The following KANTR variants were observed in gnomAD, a reference collection of about 807,000 sequenced individuals.
The protein encoded by KANTR is KDM5C adjacent transcript.
At chrX:53,119,666 C>T (rs1330919788) in intron 2 of KANTR, among the ~76,000 whole-genome samples, 1 of 111,751 alleles carries the variant, frequency 8.9e-6, no homozygotes, top group African/African-American at 3.3e-5. Context: ...AAAATCTTCC[C>T]ATCTTATTTT....
intron 2 of KANTR, among the ~76,000 whole-genome samples, chrX:53,101,496 G>A (rs1335458529): frequency 2.7e-5 from 3 of 111,905 alleles, no homozygotes; most frequent in East Asian, 2.8e-4. Context: ...CCTTTGACTC[G>A]AATACTTAGA....
chrX:53,103,130 G>A (rs1556812150), intron 2 of KANTR, among the ~76,000 whole-genome samples: 1 of 108,995 alleles, frequency 9.2e-6, no homozygotes, highest in Non-Finnish European at 1.9e-5. Flanking sequence ...GATTACAGGC[G>A]CCTGCCACCA....
intron 2 of KANTR, among the ~76,000 whole-genome samples, chrX:53,135,376 C>T (rs1385438346): frequency 2.7e-5 from 3 of 111,760 alleles, no homozygotes; most frequent in African/African-American, 9.8e-5. Context: ...CACACTCTCC[C>T]TCCTTTTGTC....
intron 2 of KANTR, among the ~76,000 whole-genome samples, chrX:53,139,244 G>A (rs112341718): frequency 9.4e-6 from 1 of 106,463 alleles, no homozygotes; most frequent in African/African-American, 3.6e-5. Flanking sequence ...AAAAAAAAAG[G>A]AATTCTAGGT....
chrX:53,130,959 CAG>C (rs1569240063), downstream of KANTR, among the ~76,000 whole-genome samples: 1 of 111,213 alleles, frequency 9.0e-6, no homozygotes, highest in Non-Finnish European at 1.9e-5. Flanking sequence ...GGAACAGTGA[CAG>C]AGGGATAATC....
chrX:53,144,344 G>A (rs78900791), downstream of KANTR, among the ~76,000 whole-genome samples: 13,828 of 110,784 alleles, frequency 0.12, 806 homozygotes, highest in South Asian at 0.2. Flanking sequence ...GCAGTGAGCC[G>A]AGATTGTGCC....
At chrX:53,138,598 G>A (rs921896645) in intron 2 of KANTR, among the ~76,000 whole-genome samples, 80 of 108,953 alleles carry the variant, frequency 7.3e-4, no homozygotes, top group South Asian at 1.6e-3. Context: ...CCAGCTCCTC[G>A]GGAGGCTGAG....
At chrX:53,127,837 G>A (rs1288743310), downstream of KANTR, among the ~76,000 whole-genome samples, 2 of 111,116 alleles carry the variant, frequency 1.8e-5, no homozygotes, top group African/African-American at 6.6e-5. Context: ...CTGTTTCCTG[G>A]TCCCCAGGCC....
chrX:53,117,445 T>C (rs1216037396), intron 2 of KANTR, among the ~76,000 whole-genome samples: 1 of 110,489 alleles, frequency 9.1e-6, no homozygotes, highest in African/African-American at 3.3e-5. Flanking sequence ...ACTCCACTCC[T>C]GAAATTCCTG....
intron 2 of KANTR, among the ~76,000 whole-genome samples, chrX:53,133,583 C>T (rs1215783506): frequency 9.0e-6 from 1 of 111,209 alleles, no homozygotes; most frequent in Non-Finnish European, 1.9e-5. Flanking sequence ...TGTGCTGGTG[C>T]GGCTCCTGCA....
At chrX:53,103,922 A>G (rs1425251667) in intron 2 of KANTR, among the ~76,000 whole-genome samples, 2 of 111,437 alleles carry the variant, frequency 1.8e-5, no homozygotes, top group East Asian at 5.6e-4. Context: ...ACATGGTTCC[A>G]CCAGTTTTCC....
At chrX:53,107,660 A>G (rs1932971291) in intron 2 of KANTR, among the ~76,000 whole-genome samples, 2 of 109,439 alleles carry the variant, frequency 1.8e-5, no homozygotes, top group Non-Finnish European at 3.8e-5. Context: ...TAGGCATTTT[A>G]TTCTTTTTGA....
chrX:53,132,115 T>A (rs2055871132), downstream of KANTR, among the ~76,000 whole-genome samples: 1 of 112,279 alleles, frequency 8.9e-6, no homozygotes, highest in South Asian at 3.7e-4. Flanking sequence ...AGGAGCCAAA[T>A]CAATGAAAAA....
At chrX:53,112,277 T>C (rs1238562874) in intron 2 of KANTR, among the ~76,000 whole-genome samples, 2 of 112,230 alleles carry the variant, frequency 1.8e-5, no homozygotes, top group Non-Finnish European at 3.7e-5. Context: ...TCCGATTCCA[T>C]CCAGGTTGCT....
chrX:53,131,687 CTG>C (rs1933362491), downstream of KANTR, among the ~76,000 whole-genome samples: 1 of 111,922 alleles, frequency 8.9e-6, no homozygotes, highest in Admixed American at 9.5e-5. Flanking sequence ...GTGGTGAAAA[CTG>C]AGTGCTTTCC....
chrX:53,116,084 A>G (rs928004627), intron 2 of KANTR, among the ~76,000 whole-genome samples: 3 of 111,550 alleles, frequency 2.7e-5, no homozygotes, highest in Non-Finnish European at 5.6e-5. Flanking sequence ...CTCCCCCTGC[A>G]TTATGTGGCC....
chrX:53,136,208 AC>A (rs1419933413), intron 2 of KANTR, among the ~76,000 whole-genome samples: 1 of 111,158 alleles, frequency 9.0e-6, no homozygotes, highest in Non-Finnish European at 1.9e-5. Flanking sequence ...GTTTTCACCC[AC>A]CATCAGCAAC....
exon 3 of KANTR, chrX:53,141,918 TA>T: frequency 1.9e-6 from 1 of 522,447 alleles, no homozygotes. Context: ...AAACATCAGC[TA>T]AGAAAGGAAA....
downstream of KANTR, among the ~76,000 whole-genome samples, chrX:53,145,865 T>C (rs1195203633): frequency 8.9e-6 from 1 of 112,347 alleles, no homozygotes; most frequent in Non-Finnish European, 1.9e-5. Flanking sequence ...CTGCAGCCTC[T>C]GCTGCTGATA....
Sources: gnomAD v4.1 joint callset for allele counts (sites outside exome capture counted in the v4.1 genomes callset) on GRCh38, gnomAD v4.1.1 for gene constraint, MANE v1.5 for transcripts, NCBI Gene and HGNC (gene_info 2026-07-23, HGNC 2026-07-21) for gene names.